Variants in GPHN observed in about 807,000 individuals in gnomAD.
GPHN encodes gephyrin.
Under a neutral mutation model 95.5 loss-of-function variants are expected in GPHN, and 17 were observed. The observed-to-expected ratio is 0.18, with a 90% CI of 0.12 to 0.27. The LOEUF (loss-of-function observed/expected upper bound fraction) is 0.27. GPHN is among the 10% of genes least tolerant of loss of function. The pLI, the probability that GPHN is intolerant of heterozygous loss-of-function variation, is 1.00. For synonymous variants in GPHN, 320 were observed against 322.5 expected (o/e 0.99, Z 0.08); for missense variants, 660 against 978.1 (o/e 0.67, Z 4.34).
intron 10 of GPHN, among the ~76,000 whole-genome samples, chr14:67,051,867 G>A (rs148723706): frequency 1.1e-3 from 167 of 152,128 alleles, no homozygotes; most frequent in Non-Finnish European, 1.5e-3. Context: ...ACTAAACTTC[G>A]TAAAGTGAAG....
rs1367001385 is a variant in GPHN at position 66,684,859 on chromosome 14, T to C, written c.143+3674T>C. ...TTGGTGTGCTGCACTCATTAACTCG[T>C]CATTTACATTAGGTATATCTCCTAA... On this transcript the variant is annotated intron_variant, in intron 2 of 22. Transcript: ENST00000478722. Among the ~76,000 whole-genome samples, 3 of 152,152 alleles carry C rather than the reference T, an allele frequency of 2.0e-5. No homozygotes were observed. The East Asian group carries it at 5.8e-4, about 29-fold the overall frequency.
chr14:67,022,570 TG>T (rs1877931590), intron 9 of GPHN, among the ~76,000 whole-genome samples: 7 of 91,078 alleles, frequency 7.7e-5, no homozygotes, highest in Non-Finnish European at 1.1e-4. Flanking sequence ...TTTTTTTTGG[TG>T]TGTGTGTGTG....
the GPHN span, chr14:67,619,823 T>G: frequency 7.2e-6 from 4 of 558,368 alleles, no homozygotes; most frequent in Admixed American, 3.5e-5. Flanking sequence ...CGGGGGCTGG[T>G]TGGAGGCGCG....
chr14:66,797,948 C>T (rs548944772), intron 3 of GPHN, among the ~76,000 whole-genome samples: 79 of 152,000 alleles, frequency 5.2e-4, no homozygotes, highest in African/African-American at 1.7e-3. Context: ...CATTATGATA[C>T]TAGCTGTGGG....
At chr14:67,388,168 A>C in the GPHN span, 27 of 1,068,832 alleles carry the variant, frequency 2.5e-5, no homozygotes, top group Non-Finnish European at 3.7e-5. Context: ...GACATTACTG[A>C]GGTGCAGGAG....
intron 2 of GPHN, among the ~76,000 whole-genome samples, chr14:66,754,833 T>A (rs2058501673): frequency 6.6e-6 from 1 of 152,004 alleles, no homozygotes; most frequent in Admixed American, 6.6e-5. Flanking sequence ...ATGTGAACTT[T>A]ACTAAGAATC....
chr14:67,478,244 G>C, the GPHN span, among the ~76,000 whole-genome samples: 1 of 152,200 alleles, frequency 6.6e-6, no homozygotes, highest in African/African-American at 2.4e-5. Context: ...GCTGAGCAAG[G>C]CTAGCTGTAC....
chr14:67,684,958 C>G, the GPHN span: 20 of 1,465,926 alleles, frequency 1.4e-5, no homozygotes, highest in East Asian at 4.4e-4. Context: ...CCAGACAAAC[C>G]CAAATTATCT....
chr14:67,408,716 C>G, the GPHN span, among the ~76,000 whole-genome samples: 4 of 152,204 alleles, frequency 2.6e-5, no homozygotes, highest in Non-Finnish European at 4.4e-5. Flanking sequence ...GTTTCAGAGG[C>G]AGCACGGCCC....
At chr14:67,710,719 G>A in the GPHN span, among the ~76,000 whole-genome samples, 4 of 150,644 alleles carry the variant, frequency 2.7e-5, no homozygotes, top group Non-Finnish European at 5.9e-5. Flanking sequence ...TTTTTTTAAA[G>A]GACACACTTT....
At chr14:67,485,055 T>C in the GPHN span, among the ~76,000 whole-genome samples, 1 of 152,238 alleles carries the variant, frequency 6.6e-6, no homozygotes, top group Admixed American at 6.5e-5. Flanking sequence ...ATAACGAGAA[T>C]TACCTTTAAT....
chr14:67,726,838 A>G, the GPHN span: 1 of 730,080 alleles, frequency 1.4e-6, no homozygotes, highest in East Asian at 2.7e-5. Context: ...CTCAGACCAA[A>G]CTGACCATTA....
At chr14:67,456,716 T>C in the GPHN span, among the ~76,000 whole-genome samples, 1 of 152,188 alleles carries the variant, frequency 6.6e-6, no homozygotes, top group Admixed American at 6.5e-5. Flanking sequence ...GAAAGTAGTC[T>C]GACGATTTCT....
the GPHN span, among the ~76,000 whole-genome samples, chr14:67,704,879 T>C: frequency 5.3e-5 from 8 of 152,334 alleles, no homozygotes; most frequent in African/African-American, 1.9e-4. Context: ...AGGAACTTCA[T>C]TGATTTCAGG....
chr14:66,824,614 G>GT, intron 4 of GPHN, 48 bp downstream of exon 4: 1 of 860,114 alleles, frequency 1.2e-6, no homozygotes, highest in Non-Finnish European at 2.0e-6. Context: ...ACTAATCATG[G>GT]TTTTTTTAAT....
chr14:67,699,391 C>T, the GPHN span, among the ~76,000 whole-genome samples: 1 of 151,230 alleles, frequency 6.6e-6, no homozygotes. Flanking sequence ...CCTGTCTCAA[C>T]CAAAAATTTA....
chr14:66,627,655 T>C (rs1052310626), intron 1 of GPHN, among the ~76,000 whole-genome samples: 4 of 152,120 alleles, frequency 2.6e-5, no homozygotes, highest in African/African-American at 9.6e-5. Flanking sequence ...GTCCCATCAG[T>C]TTACTGTTTC....
chr14:67,548,404 A>C, the GPHN span, among the ~76,000 whole-genome samples: 1 of 152,204 alleles, frequency 6.6e-6, no homozygotes, highest in Non-Finnish European at 1.5e-5. Flanking sequence ...GGTATTAATA[A>C]AAGAAGAAAT....
At chr14:67,491,520 C>T in the GPHN span, among the ~76,000 whole-genome samples, 2 of 152,180 alleles carry the variant, frequency 1.3e-5, no homozygotes, top group Non-Finnish European at 2.9e-5. Context: ...TTATGAATAA[C>T]AAAAGACATT....
Sources: gnomAD v4.1 joint callset for allele counts (sites outside exome capture counted in the v4.1 genomes callset) on GRCh38, gnomAD v4.1.1 for gene constraint, MANE v1.5 for transcripts, NCBI Gene and HGNC (gene_info 2026-07-23, HGNC 2026-07-21) for gene names.